POR: variants seen among roughly 807,000 people sequenced by gnomAD.
POR encodes NADPH--cytochrome P450 reductase.
Under a neutral mutation model 84.0 loss-of-function variants are expected in POR, and 56 were observed. That is an observed-to-expected ratio of 0.67 (90% CI 0.54 to 0.83). POR has a LOEUF of 0.83. Among genes scored for constraint, POR ranks in the 40% least tolerant of loss-of-function variants. The pLI is 0.00. For synonymous variants in POR, 414 were observed against 400.5 expected (o/e 1.03, Z -0.40); for missense variants, 938 against 944.3 (o/e 0.99, Z 0.09).
At chr7:75,979,421 CCT>C in intron 3 of POR, 28 bp from the exon 4 acceptor site, 1 of 1,608,850 alleles carries the variant, frequency 6.2e-7, no homozygotes, top group Middle Eastern at 1.7e-4. Flanking sequence ...GGTCTGTGGC[CCT>C]CACCAACCCT....
chr7:75,975,626 AAAT>A (rs1282054757), intron 3 of POR, among the ~76,000 whole-genome samples: 6 of 151,908 alleles, frequency 3.9e-5, no homozygotes, highest in African/African-American at 4.8e-5. Flanking sequence ...ACCCTGTGTC[AAAT>A]AATAATAATA....
At chr7:75,968,367 A>G (rs1457147944) in intron 2 of POR, 4 of 439,600 alleles carry the variant, frequency 9.1e-6, no homozygotes, top group East Asian at 7.2e-5. Flanking sequence ...CAGGACTTGC[A>G]CGCTGCATTT....
intron 3 of POR, among the ~76,000 whole-genome samples, chr7:75,978,329 C>A (rs1554557130): frequency 6.6e-6 from 1 of 152,140 alleles, no homozygotes; most frequent in Non-Finnish European, 1.5e-5. Context: ...TTGTGTCTGT[C>A]CTGAACACAT....
intron 13 of POR, 34 bp downstream of exon 13, chr7:75,985,883 G>A (rs782603941): frequency 5.6e-5 from 87 of 1,555,114 alleles, no homozygotes; most frequent in Non-Finnish European, 6.9e-5. Context: ...AGGGGGTGAC[G>A]ACTGGGAGCC....
At chr7:75,947,787 C>T (rs572724643) in intron 1 of POR, among the ~76,000 whole-genome samples, 2 of 152,020 alleles carry the variant, frequency 1.3e-5, no homozygotes, top group Admixed American at 6.6e-5. Context: ...TACGAAGCTT[C>T]GAGAGGAGGA....
chr7:75,968,261 C>G (rs1554555631), intron 2 of POR: 1 of 467,842 alleles, frequency 2.1e-6, no homozygotes, highest in African/African-American at 2.0e-5. Flanking sequence ...ATGCGGCTGC[C>G]TGGAGTTAAC....
intron 2 of POR, 73 bp downstream of exon 2, chr7:75,954,253 G>A: frequency 7.0e-7 from 1 of 1,436,762 alleles, no homozygotes; most frequent in Non-Finnish European, 9.5e-7. Flanking sequence ...CTGCATGCGG[G>A]CCTCAGGCTG....
intron 1 of POR, among the ~76,000 whole-genome samples, chr7:75,939,076 G>T (rs1554551188): frequency 6.6e-6 from 1 of 152,222 alleles, no homozygotes; most frequent in Admixed American, 6.5e-5. Context: ...GGATAGGTCT[G>T]CCCTTTCTCA....
intron 2 of POR, among the ~76,000 whole-genome samples, chr7:75,955,956 A>C (rs1787668632): frequency 6.6e-6 from 1 of 152,184 alleles, no homozygotes; most frequent in East Asian, 1.9e-4. Flanking sequence ...ATATTCACAC[A>C]ACACAGTTCT....
At chr7:75,983,991 G>A (rs538355181) in intron 10 of POR, 135 bp downstream of exon 10, 2 of 703,634 alleles carry the variant, frequency 2.8e-6, no homozygotes, top group African/African-American at 1.8e-5. Context: ...AGACTCCACG[G>A]TTACAGGATC....
intron 1 of POR, among the ~76,000 whole-genome samples, chr7:75,926,567 G>A (rs762495886): frequency 5.9e-5 from 9 of 152,050 alleles, no homozygotes; most frequent in Non-Finnish European, 8.8e-5. Flanking sequence ...AGGCCGAGGC[G>A]GGCAGATCAC....
intron 2 of POR, among the ~76,000 whole-genome samples, chr7:75,961,297 G>C (rs546902101): frequency 6.8e-6 from 1 of 146,800 alleles, no homozygotes. Flanking sequence ...AAAAATAGAG[G>C]ATCTGGTCAT....
intron 1 of POR, among the ~76,000 whole-genome samples, chr7:75,922,002 C>T (rs1402490204): frequency 6.6e-6 from 1 of 152,172 alleles, no homozygotes; most frequent in South Asian, 2.1e-4. Context: ...CCACTGTGCC[C>T]GGTCACTGTC....
chr7:75,965,427 TG>T (rs1245176357), intron 2 of POR, among the ~76,000 whole-genome samples: 6 of 152,170 alleles, frequency 3.9e-5, no homozygotes, highest in Non-Finnish European at 5.9e-5. Context: ...ACATGAGAGC[TG>T]GGATTCCAGC....
intron 2 of POR, among the ~76,000 whole-genome samples, chr7:75,972,188 A>G (rs1585120734): frequency 6.6e-6 from 1 of 152,066 alleles, no homozygotes; most frequent in South Asian, 2.1e-4. Flanking sequence ...TGTAGGGGAA[A>G]TGGGAAGGGT....
chr7:75,985,250 A>G, intron 12 of POR, 43 bp downstream of exon 12: 2 of 1,536,998 alleles, frequency 1.3e-6, no homozygotes, highest in Non-Finnish European at 1.7e-6. Context: ...CTGGAGGCCC[A>G]GCCCTGCTCA....
At chr7:75,979,347 G>A (rs782197277) in intron 3 of POR, 104 bp from the exon 4 acceptor site, 46 of 1,378,550 alleles carry the variant, frequency 3.3e-5, no homozygotes, top group Non-Finnish European at 4.5e-5. Context: ...AAGGAAAGGG[G>A]GCGGCCTGGA....
At chr7:75,970,976 T>TTATTTTATTTTATTTTATTTTATTTTA (rs1788409257) in intron 2 of POR, 1 of 151,166 alleles carries the variant, frequency 6.6e-6, no homozygotes, top group Non-Finnish European at 1.5e-5. Context: ...TTATTTTATT[T>TTATTTTATTTTATTTTATTTTATTTTA]TTTGAGACAG....
At chr7:75,955,885 T>A (rs1554553694) in intron 2 of POR, among the ~76,000 whole-genome samples, 1 of 152,180 alleles carries the variant, frequency 6.6e-6, no homozygotes, top group Non-Finnish European at 1.5e-5. Context: ...CGATTCCCTA[T>A]TCCAATCTGG....
Sources: allele counts gnomAD v4.1 joint callset (sites outside exome capture counted in the v4.1 genomes callset), GRCh38; gene constraint gnomAD v4.1.1; transcripts MANE v1.5; gene names NCBI Gene and HGNC (gene_info 2026-07-23, HGNC 2026-07-21).